PCSK6: variants seen among roughly 807,000 people sequenced by gnomAD.
The protein encoded by PCSK6 is paired basic amino acid cleaving enzyme 4.
PCSK6 carries 85 observed loss-of-function variants against 123.3 expected under a neutral mutation model. The ratio of observed to expected loss-of-function variants is 0.69; its 90% CI spans 0.58 to 0.83. PCSK6 has a LOEUF of 0.83. Among genes scored for constraint, PCSK6 ranks in the 40% least tolerant of loss-of-function variants. The probability of loss-of-function intolerance (pLI) is 0.00; values close to 1 mark genes in which losing one functional copy is unlikely to be tolerated. For missense variants in PCSK6, 1,191 were observed against 1,282.3 expected (o/e 0.93, Z 1.09); for synonymous variants, 508 against 516.0 (o/e 0.98, Z 0.21).
At chr15:101,368,258 G>A (rs2041459570) in intron 12 of PCSK6, among the ~76,000 whole-genome samples, 1 of 152,210 alleles carries the variant, frequency 6.6e-6, no homozygotes, top group Non-Finnish European at 1.5e-5. Context: ...AAGTTTCCAG[G>A]GAAGGGAAAC....
intron 11 of PCSK6, among the ~76,000 whole-genome samples, chr15:101,374,248 C>G (rs1306798337): frequency 1.3e-5 from 2 of 152,134 alleles, no homozygotes; most frequent in African/African-American, 2.4e-5. Context: ...CTGCTGACTC[C>G]CTAGGAACTC....
At chr15:101,430,210 G>T in intron 4 of PCSK6, 147 bp from the exon 5 acceptor site, 1 of 664,682 alleles carries the variant, frequency 1.5e-6, no homozygotes, top group Non-Finnish European at 2.7e-6. Context: ...TTTTTATCGT[G>T]GTAAAATATA....
At chr15:101,454,360 G>A (rs1051616383) in intron 1 of PCSK6, among the ~76,000 whole-genome samples, 9 of 152,182 alleles carry the variant, frequency 5.9e-5, no homozygotes, top group Admixed American at 4.6e-4. Context: ...AAGCCAAGGG[G>A]TGGGAGCAAC....
chr15:101,320,897 T>C (rs1445323544), intron 18 of PCSK6, among the ~76,000 whole-genome samples: 1 of 152,234 alleles, frequency 6.6e-6, no homozygotes, highest in Non-Finnish European at 1.5e-5. Context: ...AAGCACTGCC[T>C]CTATGTGGCG....
chr15:101,485,110 C>T (rs949901830), intron 1 of PCSK6, among the ~76,000 whole-genome samples: 2 of 152,196 alleles, frequency 1.3e-5, no homozygotes, highest in African/African-American at 4.8e-5. Context: ...AACACTCTTC[C>T]GTGTCGGGAA....
intron 13 of PCSK6, among the ~76,000 whole-genome samples, chr15:101,336,500 G>A (rs73493337): frequency 0.042 from 6,436 of 152,272 alleles, 255 homozygotes; most frequent in East Asian, 0.13. Flanking sequence ...TTGCCAATCC[G>A]ATAACTCAGA....
chr15:101,344,940 T>A lies in PCSK6; in HGVS notation c.1859-12909A>T, dbSNP rs74331687. ...CAAATACATTTTTAAATACATTTTT[T>A]AAAAAAATCCAATATGACAATTTTT... On this transcript the variant is annotated intron_variant, in intron 13 of 21. Transcript: ENST00000611716. Among the ~76,000 whole-genome samples the A allele has an allele frequency of 0.012, 1,856 of 152,294 alleles. 97 individuals carry two copies. In the East Asian group the frequency reaches 0.15, roughly 12 times the overall value.
chr15:101,398,691 A>G lies in PCSK6; in HGVS notation c.824-115T>C. 2 of 1,147,394 alleles carry G rather than the reference A, an allele frequency of 1.7e-6. No individual in the cohort carries two copies. Among genetic ancestry groups the G allele is most frequent in the South Asian group, 1.6e-5 (1 of 63,708 alleles). 71.1% of individuals were successfully genotyped at this position (1,147,394 alleles called of 1,614,324 possible). A position where few individuals can be genotyped will look rare whatever the true frequency, so the allele number is the denominator to read the frequency against. Reference sequence around the variant, plus strand: ...CCGCATCACAGAGTCCCTCCCCAGCAGGGGCTGTTCCCAGTCATTCTGCAA... The same window carrying G: ...CCGCATCACAGAGTCCCTCCCCAGCGGGGGCTGTTCCCAGTCATTCTGCAA... On this transcript the variant is annotated intron_variant, in intron 6 of 21. Coordinates refer to ENST00000611716, the MANE Select transcript of PCSK6 (RefSeq NM_002570.5). The surrounding 1 kb of genome is among the most constrained non-coding windows in gnomAD (Gnocchi z 4.6).
chr15:101,485,076 A>G (rs75162627), intron 1 of PCSK6, among the ~76,000 whole-genome samples: 2,391 of 152,304 alleles, frequency 0.016, 68 homozygotes, highest in African/African-American at 0.055. Context: ...CCATTGCTCT[A>G]TATCCTTGCC....
intron 9 of PCSK6, among the ~76,000 whole-genome samples, chr15:101,386,077 C>G (rs947241599): frequency 2.0e-5 from 3 of 151,934 alleles, no homozygotes; most frequent in African/African-American, 7.3e-5. Flanking sequence ...ACCAGAAGCA[C>G]AAGCCCCAGC....
intron 1 of PCSK6, among the ~76,000 whole-genome samples, chr15:101,478,407 G>A (rs1213684289): frequency 6.6e-6 from 1 of 152,124 alleles, no homozygotes; most frequent in Non-Finnish European, 1.5e-5. Flanking sequence ...GTACAGGCAC[G>A]AGCCAGACTG....
chr15:101,435,973 A>G (rs1392680429), intron 2 of PCSK6, among the ~76,000 whole-genome samples: 1 of 152,208 alleles, frequency 6.6e-6, no homozygotes, highest in African/African-American at 2.4e-5. Flanking sequence ...CCTGTGGGCC[A>G]CAGGTGGGCC....
At chr15:101,369,257 TG>T (rs776304296) in intron 12 of PCSK6, among the ~76,000 whole-genome samples, 9 of 152,240 alleles carry the variant, frequency 5.9e-5, no homozygotes, top group Admixed American at 1.3e-4. Context: ...GCATTGCTGC[TG>T]AGTCAATTAC....
At chr15:101,344,848 G>T (rs1316927656) in intron 13 of PCSK6, among the ~76,000 whole-genome samples, 1 of 151,934 alleles carries the variant, frequency 6.6e-6, no homozygotes, top group Non-Finnish European at 1.5e-5. Context: ...TAGAGACGAG[G>T]TTTCACCATG....
intron 7 of PCSK6, among the ~76,000 whole-genome samples, chr15:101,395,082 C>T (rs573896533): frequency 2.0e-4 from 30 of 152,194 alleles, no homozygotes; most frequent in Non-Finnish European, 3.8e-4. Context: ...GGTATTTAAC[C>T]CATCAGAGCC....
At chr15:101,423,041 C>A (rs1372480235) in intron 6 of PCSK6, among the ~76,000 whole-genome samples, 1 of 152,050 alleles carries the variant, frequency 6.6e-6, no homozygotes, top group African/African-American at 2.4e-5. Context: ...ACATGACCCA[C>A]TGTAAAGAGA....
At position 101,326,374 on chromosome 15, in the gene PCSK6, T is replaced by C; in HGVS notation, c.2180+3A>G. On this transcript the variant is annotated splice_donor_region_variant and intron_variant, in intron 16 of 21. Transcript: ENST00000611716. ...AGCCACAGGGCTGCGGGACATGCAT[T>C]ACCTGCTGGTCTTGACACTCCCCAG... 1 of 1,565,236 alleles carries C rather than the reference T, an allele frequency of 6.4e-7. No homozygotes were observed. The highest frequency in any genetic ancestry group is 8.7e-7 in the Non-Finnish European group (1 of 1,154,324).
chr15:101,307,142 C>A, intron 21 of PCSK6, 71 bp downstream of exon 21: 1 of 1,168,200 alleles, frequency 8.6e-7, no homozygotes. Context: ...CTTTGCTTTT[C>A]TCTTTGGAGC....
chr15:101,489,572 C>T lies in PCSK6; in HGVS notation c.99G>A (p.Ala33=), dbSNP rs1193286721. The T allele has an allele frequency of 1.2e-5, 11 of 901,834 alleles. No individual in the cohort carries two copies. The highest frequency in any genetic ancestry group is 1.3e-5 in the Non-Finnish European group (10 of 783,154). The allele number at this position is 901,834 out of a possible 1,614,324, so 55.9% of individuals were successfully genotyped here. A position where few individuals can be genotyped will look rare whatever the true frequency, so the allele number is the denominator to read the frequency against. ...TAAGAGGAGG[A]GGAGGPGFRP... Reference sequence around the variant, plus strand: ...GGAACCCGGGCCCGCCGGCGCCCCCCGCGCCCCCCGCGCCCCCCGCGCCCG... The same window carrying T: ...GGAACCCGGGCCCGCCGGCGCCCCCTGCGCCCCCCGCGCCCCCCGCGCCCG... The change falls in exon 1 of 22, where the codon GCG becomes GCA. Residue 33 remains alanine, a synonymous_variant. Transcript: ENST00000611716.
Sources: allele counts gnomAD v4.1 joint callset (sites outside exome capture counted in the v4.1 genomes callset), GRCh38; gene constraint gnomAD v4.1.1; non-coding constraint Gnocchi (gnomAD v3.1); transcripts MANE v1.5; gene names NCBI Gene and HGNC (gene_info 2026-07-23, HGNC 2026-07-21).